The following BRIP1 variants were observed in gnomAD, a reference collection of about 807,000 sequenced individuals.
BRIP1 encodes Fanconi anemia group J protein.
Under a neutral mutation model 119.7 loss-of-function variants are expected in BRIP1, and 88 were observed. That is an observed-to-expected ratio of 0.74 (90% CI 0.62 to 0.88). The LOEUF is 0.88. Ranked by LOEUF, BRIP1 falls within the 40% of genes least tolerant of loss-of-function variation. BRIP1 has a pLI of 0.00. For synonymous variants in BRIP1, 443 were observed against 496.5 expected (o/e 0.89, Z 1.43); for missense variants, 1,259 against 1,455.4 (o/e 0.87, Z 2.20).
intron 4 of BRIP1, among the ~76,000 whole-genome samples, chr17:61,849,720 AG>A (rs2078789940): frequency 6.6e-6 from 1 of 152,340 alleles, no homozygotes; most frequent in East Asian, 1.9e-4. Flanking sequence ...AAGGTCATCC[AG>A]GACCTCTTAA....
chr17:61,683,228 A>C lies in BRIP1; in HGVS notation c.*68T>G, dbSNP rs992497768. 2.0e-6 allele frequency: 3 copies of C among 1,476,316 alleles called. No homozygotes were observed. Among genetic ancestry groups the C allele is most frequent in the Middle Eastern group, 4.4e-4 (2 of 4,562 alleles). 91.5% of individuals were successfully genotyped at this position (1,476,316 alleles called of 1,614,324 possible). ...ATGCCACTTATTCAATTTACAAATT[A>C]TTACTTACAACAGAGTTTAACATAA... On this transcript the variant is annotated 3_prime_UTR_variant, in exon 20 of 20. Transcript: ENST00000259008. This position sits in a 1 kb window ranked among gnomAD's most constrained non-coding sequence, Gnocchi z 4.7.
rs1057463880 is a variant in BRIP1, at chr17:61,833,127, C to T, written c.627+13974G>A. Among the ~76,000 whole-genome samples the T allele has an allele frequency of 5.9e-5, 9 of 152,254 alleles. No homozygotes were observed. In the South Asian group the frequency reaches 8.3e-4, roughly 14 times the overall value. On this transcript the variant is annotated intron_variant, in intron 6 of 19. Coordinates refer to ENST00000259008, the MANE Select transcript of BRIP1 (RefSeq NM_032043.3). ...CACACCCAGTATCCATGAATGAAAACGTTCTACATGACAATTGCAGATACT... is the reference window on the plus strand; with the variant it reads ...CACACCCAGTATCCATGAATGAAAATGTTCTACATGACAATTGCAGATACT...
rs201869624 is a variant in BRIP1, at chr17:61,716,003, G to A, written c.2440C>T (p.Arg814Cys). 1.7e-4 allele frequency: 267 copies of A among 1,608,894 alleles called. No individual in the cohort carries two copies. The East Asian group carries it at 3.7e-3, about 22-fold the overall frequency. ...HSKLRGLLPGRQWYEIQAYRA... is the reference protein window; with the variant it reads ...HSKLRGLLPGCQWYEIQAYRA... ...TATGCTTGAATTTCATACCACTGAC[G>A]GCCAGGTAGAAGACCTCTCAATTTT... is the stretch of plus-strand genomic sequence containing the variant. The change falls in exon 17 of 20, where the codon CGT (arginine) becomes TGT (cysteine). Residue 814 changes from arginine to cysteine, a missense_variant. Around this residue, in one of 3 missense-constraint regions of BRIP1, gnomAD observed 753 missense variants for 891.8 expected, o/e 0.84. Coordinates refer to ENST00000259008, the MANE Select transcript of BRIP1 (RefSeq NM_032043.3).
intron 6 of BRIP1, among the ~76,000 whole-genome samples, chr17:61,829,504 C>CAAA (rs150051476): frequency 0.36 from 54,213 of 150,076 alleles, 10,340 homozygotes; most frequent in Non-Finnish European, 0.44. Context: ...ATAAGTAGAC[C>CAAA]AAAAAAAACC....
rs1014811864 is a variant in BRIP1, at chr17:61,863,416, C to T, written c.-163G>A. 1 of 152,354 alleles carries T rather than the reference C, an allele frequency of 6.6e-6. No homozygotes were observed. Among genetic ancestry groups the T allele is most frequent in the African/African-American group, 2.4e-5 (1 of 41,448 alleles). The allele number at this position is 152,354 out of a possible 1,614,324, so 9.4% of individuals were successfully genotyped here. A position where few individuals can be genotyped will look rare whatever the true frequency, so the allele number is the denominator to read the frequency against. On this transcript the variant is annotated 5_prime_UTR_variant, in exon 1 of 20. Coordinates refer to ENST00000259008, the MANE Select transcript of BRIP1 (RefSeq NM_032043.3). ...AGGGCACGAGCCCTTCCTCCTCCCT[C>T]TTCCTGGGGGTGCTGCTACTTCCCC...
intron 14 of BRIP1, among the ~76,000 whole-genome samples, chr17:61,772,132 G>C (rs956213706): frequency 1.5e-5 from 2 of 135,524 alleles, no homozygotes; most frequent in Middle Eastern, 4.4e-3. Context: ...CCCATCGACA[G>C]ATGAATGGAT....
chr17:61,693,654 G>T lies in BRIP1; in HGVS notation c.2493-142C>A. On this transcript the variant is annotated intron_variant, in intron 17 of 19. Coordinates refer to ENST00000259008, the MANE Select transcript of BRIP1 (RefSeq NM_032043.3). This position sits in a 1 kb window ranked among gnomAD's most constrained non-coding sequence, Gnocchi z 4.2. The stretch of plus-strand genomic sequence containing the variant: ...TGTTATTATCAGAAAAGTTACAGAA[G>T]CTATCCAACACAATGTAACAAACTA... 1 of 713,806 alleles carries T rather than the reference G, an allele frequency of 1.4e-6. No individual in the cohort carries two copies. The highest frequency in any genetic ancestry group is 2.4e-6 in the Non-Finnish European group (1 of 417,386). 44.2% of individuals were successfully genotyped at this position (713,806 alleles called of 1,614,324 possible). A position where few individuals can be genotyped will look rare whatever the true frequency, so the allele number is the denominator to read the frequency against.
At chr17:61,779,504 C>G (rs2077581758) in intron 13 of BRIP1, among the ~76,000 whole-genome samples, 1 of 152,182 alleles carries the variant, frequency 6.6e-6, no homozygotes. Flanking sequence ...CCCATAATCC[C>G]AGCTACTCAG....
intron 9 of BRIP1, among the ~76,000 whole-genome samples, chr17:61,797,430 T>C (rs1408860842): frequency 6.6e-6 from 1 of 151,864 alleles, no homozygotes; most frequent in Non-Finnish European, 1.5e-5. Flanking sequence ...AAAGAAACAA[T>C]AACCTCTGTA....
At chr17:61,787,775 G>A (rs1228192268) in intron 10 of BRIP1, among the ~76,000 whole-genome samples, 1 of 152,090 alleles carries the variant, frequency 6.6e-6, no homozygotes, top group African/African-American at 2.4e-5. Flanking sequence ...CTCCTGAGTA[G>A]CGGGGACTAC....
rs1603340327 is a variant in BRIP1 at position 61,793,642 on chromosome 17, A to C, written c.1428T>G (p.Thr476=). ...KIWSGNEMLL[T]LHKMGITTAT... is the part of the protein sequence containing the mutation. ...CAGTGGTGATACCCATTTTGTGTAA[A>C]GTTAAGAGCATTTCATTTCCACTCC... The change falls in exon 10 of 20, where the codon ACT becomes ACG. Residue 476 remains threonine, a synonymous_variant. Coordinates refer to ENST00000259008, the MANE Select transcript of BRIP1 (RefSeq NM_032043.3). This position sits in a 1 kb window ranked among gnomAD's most constrained non-coding sequence, Gnocchi z 5.2. 6.2e-7 allele frequency: 1 copy of C among 1,608,984 alleles called. No homozygotes were observed. The highest frequency in any genetic ancestry group is 1.1e-5 in the South Asian group (1 of 90,440).
chr17:61,691,736 G>A lies in BRIP1; in HGVS notation c.2575+1694C>T, dbSNP rs2061449436. 6.6e-6 allele frequency among the ~76,000 whole-genome samples: 1 copy of A among 152,192 alleles called. No homozygotes were observed. Among genetic ancestry groups the A allele is most frequent in the African/African-American group, 2.4e-5 (1 of 41,448 alleles). On this transcript the variant is annotated intron_variant, in intron 18 of 19. Coordinates refer to ENST00000259008, the MANE Select transcript of BRIP1 (RefSeq NM_032043.3). The surrounding 1 kb of genome is among the most constrained non-coding windows in gnomAD (Gnocchi z 5.0). ...CCCAAAACACTGGGATTACAGGCGT[G>A]AGCCACCATGCCCGGCTGCAATCTA... is the stretch of plus-strand genomic sequence containing the variant.
chr17:61,862,425 A>G lies in BRIP1; in HGVS notation c.-30-856T>C, dbSNP rs1401077945. 6.6e-6 allele frequency among the ~76,000 whole-genome samples: 1 copy of G among 152,210 alleles called. No individual in the cohort carries two copies. The stretch of plus-strand genomic sequence containing the variant: ...GAATTGAAATACTACTACTTACCTG[A>G]CAGGGTTTTTATGAAAATTAGCCAG... On this transcript the variant is annotated intron_variant, in intron 1 of 19. Coordinates refer to ENST00000259008, the MANE Select transcript of BRIP1 (RefSeq NM_032043.3). The surrounding 1 kb of genome is among the most constrained non-coding windows in gnomAD (Gnocchi z 5.3).
In BRIP1 at chr17:61,739,270, T is replaced by C. The variant is rs1442766155; in HGVS notation, c.2379+3743A>G. 8 of 199,584 alleles carry C rather than the reference T, an allele frequency of 4.0e-5. No individual in the cohort carries two copies. The East Asian group carries it at 6.1e-4, about 15-fold the overall frequency. 12.4% of individuals were successfully genotyped at this position (199,584 alleles called of 1,614,324 possible). On this transcript the variant is annotated intron_variant, in intron 16 of 19. Coordinates refer to ENST00000259008, the MANE Select transcript of BRIP1 (RefSeq NM_032043.3). This position sits in a 1 kb window ranked among gnomAD's most constrained non-coding sequence, Gnocchi z 6.0. ...CTTCAGTGGAATGCAGCACCAATGC[T>C]GTTGATGGTGACAGTAGATTTCTTG...
chr17:61,834,305 T>C lies in BRIP1; in HGVS notation c.627+12796A>G, dbSNP rs945038575. 6.6e-6 allele frequency among the ~76,000 whole-genome samples: 1 copy of C among 152,076 alleles called. No homozygotes were observed. Among genetic ancestry groups the C allele is most frequent in the African/African-American group, 2.4e-5 (1 of 41,406 alleles). ...TACTACATAACAAATATATGTAATATATACTACAGTATCAACCCCTTTACA... is the reference window on the plus strand; with the variant it reads ...TACTACATAACAAATATATGTAATACATACTACAGTATCAACCCCTTTACA... On this transcript the variant is annotated intron_variant, in intron 6 of 19. Coordinates refer to ENST00000259008, the MANE Select transcript of BRIP1 (RefSeq NM_032043.3). The surrounding 1 kb of genome is among the most constrained non-coding windows in gnomAD (Gnocchi z 4.4).
At chr17:61,783,096 A>G (rs891254336) in intron 11 of BRIP1, among the ~76,000 whole-genome samples, 1 of 152,214 alleles carries the variant, frequency 6.6e-6, no homozygotes, top group Non-Finnish European at 1.5e-5. Context: ...TTTGTACACC[A>G]ACGTTCATAG....
At chr17:61,819,142 T>C (rs558153616) in intron 6 of BRIP1, among the ~76,000 whole-genome samples, 6 of 149,108 alleles carry the variant, frequency 4.0e-5, no homozygotes, top group South Asian at 2.1e-4. Context: ...GCCGAGATCA[T>C]GCCACTGCAC....
intron 6 of BRIP1, among the ~76,000 whole-genome samples, chr17:61,835,567 GATAA>G (rs1319571090): frequency 2.0e-5 from 3 of 151,852 alleles, no homozygotes; most frequent in Non-Finnish European, 2.9e-5. Flanking sequence ...GAATACAAAG[GATAA>G]ATAATTGAAA....
chr17:61,763,415 T>C (rs1042104047), intron 14 of BRIP1, among the ~76,000 whole-genome samples: 2 of 152,150 alleles, frequency 1.3e-5, no homozygotes, highest in Non-Finnish European at 2.9e-5. Flanking sequence ...CCATGTGACC[T>C]ATGGTATTCT....
Sources: gnomAD v4.1 joint callset for allele counts (sites outside exome capture counted in the v4.1 genomes callset) on GRCh38, gnomAD v4.1.1 for gene constraint, gnomAD v4.1.1 regional missense constraint, Gnocchi (gnomAD v3.1) non-coding constraint, MANE v1.5 for transcripts, NCBI Gene and HGNC (gene_info 2026-07-23, HGNC 2026-07-21) for gene names.